Variants in COL25A1 observed in about 807,000 individuals in gnomAD.
COL25A1 encodes the protein collagen type XXV alpha 1 chain.
Under a neutral mutation model 128.4 loss-of-function variants are expected in COL25A1, and 103 were observed. That is an observed-to-expected ratio of 0.80 (90% confidence interval 0.68 to 0.94). The LOEUF is 0.94. COL25A1 is among the 40% of genes least tolerant of loss of function. COL25A1 has a pLI of 0.00. For synonymous variants in COL25A1, 279 were observed against 277.2 expected, an observed-to-expected ratio of 1.01 and a Z score of -0.06; for missense variants, 745 against 840.0, an observed-to-expected ratio of 0.89 and a Z score of 1.40.
At chr4:109,109,999 T>C (rs1358553163) in intron 3 of COL25A1, among the ~76,000 whole-genome samples, 1 of 152,166 alleles carries the variant, frequency 6.6e-6, no homozygotes, top group East Asian at 1.9e-4. Flanking sequence ...CACACGTTTC[T>C]TTTCTCACAA....
At chr4:108,935,319 C>A (rs995586338) in intron 11 of COL25A1, among the ~76,000 whole-genome samples, 2 of 152,100 alleles carry the variant, frequency 1.3e-5, no homozygotes, top group African/African-American at 4.8e-5. Flanking sequence ...TCTGGGATGG[C>A]AACTGGGGGT....
At chr4:109,259,120 T>A (rs543632450) in intron 3 of COL25A1, among the ~76,000 whole-genome samples, 1 of 152,298 alleles carries the variant, frequency 6.6e-6, no homozygotes, top group South Asian at 2.1e-4. Flanking sequence ...TACACCTCTA[T>A]GCAATGTCAC....
Position 109,261,724 on chromosome 4 carries a change from G to C in COL25A1, c.367+38859C>G, listed in dbSNP as rs1260198231. Among the ~76,000 whole-genome samples the C allele has an allele frequency of 2.0e-5, 3 of 150,128 alleles. No homozygotes were observed. The East Asian group carries it at 5.9e-4, about 30-fold the overall frequency. On this transcript the variant is annotated intron_variant, in intron 3 of 37. Coordinates refer to ENST00000399132, the MANE Select transcript of COL25A1 (RefSeq NM_198721.4). Reference sequence around the variant, plus strand: ...TTTTCTTTTTTTTTTTTGAGACAGAGTCTCGCTCTGTCACCCAGGCTGGAG... The same window carrying C: ...TTTTCTTTTTTTTTTTTGAGACAGACTCTCGCTCTGTCACCCAGGCTGGAG...
At chr4:109,120,773 C>T (rs1278573892) in intron 3 of COL25A1, among the ~76,000 whole-genome samples, 1 of 151,620 alleles carries the variant, frequency 6.6e-6, no homozygotes, top group Admixed American at 6.6e-5. Context: ...GTGCCACTGT[C>T]CTCCAGCATG....
intron 3 of COL25A1, among the ~76,000 whole-genome samples, chr4:109,234,651 C>G (rs150814068): frequency 1.3e-5 from 2 of 152,092 alleles, no homozygotes; most frequent in Non-Finnish European, 2.9e-5. Flanking sequence ...TAAGGACCTC[C>G]CAAAATTCAC....
chr4:109,211,287 AAAC>A lies in COL25A1; in HGVS notation c.367+89293_367+89295del, dbSNP rs1312824191. ...ATATATATGAAACTATATATATATG[AAAC>A]TATATATATATATATATATATATAT... is the stretch of plus-strand genomic sequence containing the variant. On this transcript the variant is annotated intron_variant, in intron 3 of 37. Transcript: ENST00000399132. 2.5e-3 allele frequency among the ~76,000 whole-genome samples: 159 copies of A among 63,330 alleles called. 2 individuals carry two copies. In the South Asian group the frequency reaches 0.066, roughly 26 times the overall value. The allele number at this position is 63,330 out of a possible 152,430, so 41.5% of individuals were successfully genotyped here. A position where few individuals can be genotyped will look rare whatever the true frequency, so the allele number is the denominator to read the frequency against.
At chr4:109,242,920 A>T (rs560504419) in intron 3 of COL25A1, among the ~76,000 whole-genome samples, 1 of 152,224 alleles carries the variant, frequency 6.6e-6, no homozygotes, top group Non-Finnish European at 1.5e-5. Context: ...TATTAAGAAC[A>T]CCTAAAATCT....
At chr4:108,825,067 T>G in intron 34 of COL25A1, 129 bp downstream of exon 34, 1 of 647,022 alleles carries the variant, frequency 1.5e-6, no homozygotes, top group South Asian at 2.4e-5. Flanking sequence ...GCTGTTTACA[T>G]GCACAGCAAT....
At chr4:108,825,021 G>A (rs998375939) in intron 34 of COL25A1, among the ~76,000 whole-genome samples, 175 bp downstream of exon 34, 1 of 151,712 alleles carries the variant, frequency 6.6e-6, no homozygotes, top group African/African-American at 2.4e-5. Flanking sequence ...TTGCTTTTCT[G>A]TTTTATCTCA....
intron 13 of COL25A1, among the ~76,000 whole-genome samples, chr4:108,909,949 G>T (rs971061082): frequency 1.3e-5 from 2 of 152,256 alleles, no homozygotes; most frequent in South Asian, 2.1e-4. Flanking sequence ...CAACAGTGCT[G>T]CACGGCCACC....
At chr4:109,132,376 C>A (rs1045104590) in intron 3 of COL25A1, among the ~76,000 whole-genome samples, 2 of 152,140 alleles carry the variant, frequency 1.3e-5, no homozygotes, top group African/African-American at 4.8e-5. Flanking sequence ...AACTTACTTT[C>A]CTTGAACCCA....
At chr4:108,931,530 T>C (rs961837164) in intron 11 of COL25A1, among the ~76,000 whole-genome samples, 1 of 152,204 alleles carries the variant, frequency 6.6e-6, no homozygotes, top group Admixed American at 6.5e-5. Context: ...TCTAGATCAC[T>C]GTTGAAAATG....
At chr4:109,075,067 A>T (rs1297441966) in intron 3 of COL25A1, among the ~76,000 whole-genome samples, 2 of 152,174 alleles carry the variant, frequency 1.3e-5, no homozygotes, top group African/African-American at 4.8e-5. Context: ...CAGTAACACA[A>T]GTCCTCTAAA....
At chr4:108,887,159 A>T (rs1313090176) in intron 18 of COL25A1, among the ~76,000 whole-genome samples, 1 of 152,140 alleles carries the variant, frequency 6.6e-6, no homozygotes, top group East Asian at 1.9e-4. Context: ...TACATTATGA[A>T]TATAACTCTA....
intron 9 of COL25A1, 47 bp from the exon 10 acceptor site, chr4:108,940,693 G>A: frequency 7.9e-7 from 1 of 1,270,304 alleles, no homozygotes; most frequent in Non-Finnish European, 1.1e-6. Flanking sequence ...GAAAGATAAA[G>A]ACCCAGGTCT....
intron 6 of COL25A1, 125 bp downstream of exon 6, chr4:109,010,233 C>T: frequency 2.7e-6 from 2 of 749,090 alleles, no homozygotes; most frequent in South Asian, 1.8e-5. Context: ...AATATTTGGT[C>T]TACTGTGTGG....
At chr4:109,275,317 G>A (rs563998714) in intron 3 of COL25A1, among the ~76,000 whole-genome samples, 2 of 152,216 alleles carry the variant, frequency 1.3e-5, no homozygotes, top group Admixed American at 6.5e-5. Flanking sequence ...CTCTTCTCAC[G>A]AGCCATTATA....
chr4:109,216,313 A>G (rs6842457), intron 3 of COL25A1, among the ~76,000 whole-genome samples: 69,259 of 150,924 alleles, frequency 0.46, 19,164 homozygotes, highest in African/African-American at 0.78. Flanking sequence ...AAGGAAGGAA[A>G]GACGGAAGGA....
At chr4:108,853,554 A>C (rs534184260) in intron 24 of COL25A1, among the ~76,000 whole-genome samples, 108 of 152,224 alleles carry the variant, frequency 7.1e-4, no homozygotes, top group African/African-American at 2.3e-3. Flanking sequence ...TCTGGGATAC[A>C]TGTGCAGAAT....
Sources: gnomAD v4.1 joint callset for allele counts (sites outside exome capture counted in the v4.1 genomes callset) on GRCh38, gnomAD v4.1.1 for gene constraint, MANE v1.5 for transcripts, NCBI Gene and HGNC (gene_info 2026-07-23, HGNC 2026-07-21) for gene names.